SRRT: variants seen among roughly 807,000 people sequenced by gnomAD.
The protein encoded by SRRT is serrate RNA effector molecule homolog.
SRRT carries 32 observed loss-of-function variants against 103.2 expected under a neutral mutation model. The ratio of observed to expected loss-of-function variants is 0.31; its 90% CI spans 0.23 to 0.42. SRRT has a LOEUF of 0.42. SRRT is among the 10% of genes least tolerant of loss of function. SRRT has a pLI of 1.00. For synonymous variants in SRRT, 525 were observed against 449.0 expected (o/e 1.17, Z -2.14); for missense variants, 986 against 1,207.5 (o/e 0.82, Z 2.72).
chr7:100,875,304 G>A lies in SRRT; in HGVS notation c.-43G>A. On this transcript the variant is annotated 5_prime_UTR_variant, in exon 1 of 20. Transcript: ENST00000611405. Reference sequence around the variant, plus strand: ...TGAAATCTAGCCCGTCCGAGCGCGAGTCCAACGGCCGCGGCCGCACCAAGG... The same window carrying A: ...TGAAATCTAGCCCGTCCGAGCGCGAATCCAACGGCCGCGGCCGCACCAAGG... 9.3e-7 allele frequency: 1 copy of A among 1,078,618 alleles called. No homozygotes were observed. Among genetic ancestry groups the A allele is most frequent in the Non-Finnish European group, 1.2e-6 (1 of 843,828 alleles). 66.8% of individuals were successfully genotyped at this position (1,078,618 alleles called of 1,614,324 possible).
rs1448789703 is a variant in SRRT, at chr7:100,885,193, C to T, written c.1160-20C>T. The T allele has an allele frequency of 1.2e-6, 2 of 1,610,050 alleles. No homozygotes were observed. The highest frequency in any genetic ancestry group is 1.7e-6 in the Non-Finnish European group (2 of 1,177,868). The stretch of plus-strand genomic sequence containing the variant: ...GTAATAAAAATGCACCAACTCCTTC[C>T]TACCCCCCTTCCTGCCTAGAAGAAG... On this transcript the variant is annotated intron_variant, in intron 9 of 19. Transcript: ENST00000611405. This position sits in a 1 kb window ranked among gnomAD's most constrained non-coding sequence, Gnocchi z 4.8.
chr7:100,875,753 G>A (rs752622920), intron 2 of SRRT, 41 bp downstream of exon 2: 1 of 1,608,304 alleles, frequency 6.2e-7, no homozygotes, highest in Non-Finnish European at 8.5e-7. Context: ...GTTTCATGCC[G>A]TTTCACTCCA....
In SRRT at chr7:100,887,161, C is replaced by T. The variant is rs1432025934; in HGVS notation, c.1936C>T (p.Arg646Trp). Residue 646 changes from arginine (R) to tryptophan (W), a missense_variant, in exon 15 of 20, where the codon CGG becomes TGG. Coordinates refer to ENST00000611405, the MANE Select transcript of SRRT (RefSeq NM_015908.6). The surrounding 1 kb of genome is among the most constrained non-coding windows in gnomAD (Gnocchi z 4.1). Reference sequence around the variant, plus strand: ...CAATCGCTGTGGGATCATCCACGTTCGGGGGCCCATGCCACCCAACCGCAT... The same window carrying T: ...CAATCGCTGTGGGATCATCCACGTTTGGGGGCCCATGCCACCCAACCGCAT... ...MPNRCGIIHV[R>W]GPMPPNRISH... is the part of the protein sequence containing the mutation. 8.7e-6 allele frequency: 14 copies of T among 1,614,202 alleles called. No individual in the cohort carries two copies. The highest frequency in any genetic ancestry group is 2.2e-5 in the East Asian group (1 of 44,884).
Position 100,884,832 on chromosome 7 carries a change from C to T in SRRT, c.1035C>T (p.Ala345=), listed in dbSNP as rs1195508721. 1.2e-5 allele frequency: 19 copies of T among 1,613,816 alleles called. No homozygotes were observed. The highest frequency in any genetic ancestry group is 1.5e-5 in the Non-Finnish European group (18 of 1,179,908). Residue 345 remains alanine (A), a synonymous_variant, in exon 8 of 20, where the codon GCC becomes GCT. Coordinates refer to ENST00000611405, the MANE Select transcript of SRRT (RefSeq NM_015908.6). The part of the protein sequence containing the change: ...EEKKEDSEKE[A]KKSSKKRNRK... ...AGAAAGAAGACTCCGAGAAGGAAGC[C>T]AAAAAGGTGAGGTGTCTGTGGCCTG...
In SRRT at chr7:100,881,280, G is replaced by A. The variant is rs756066542; in HGVS notation, c.123-5G>A. ...TTAATCTTTGTTACTTGTTCTTACTGCCAGAGAGTGGGACCGTGGCCGTGA... is the reference window on the plus strand; with the variant it reads ...TTAATCTTTGTTACTTGTTCTTACTACCAGAGAGTGGGACCGTGGCCGTGA... On this transcript the variant is annotated splice_polypyrimidine_tract_variant and splice_region_variant and intron_variant, in intron 2 of 19. Coordinates refer to ENST00000611405, the MANE Select transcript of SRRT (RefSeq NM_015908.6). 2.5e-6 allele frequency: 4 copies of A among 1,607,004 alleles called. No individual in the cohort carries two copies. The highest frequency in any genetic ancestry group is 3.4e-6 in the Non-Finnish European group (4 of 1,174,424).
In SRRT at chr7:100,887,878, A is replaced by G; in HGVS notation, c.2326+19A>G. The G allele has an allele frequency of 2.5e-6, 4 of 1,591,718 alleles. No homozygotes were observed. The highest frequency in any genetic ancestry group is 3.4e-6 in the Non-Finnish European group (4 of 1,163,006). On this transcript the variant is annotated intron_variant, in intron 17 of 19. Coordinates refer to ENST00000611405, the MANE Select transcript of SRRT (RefSeq NM_015908.6). The surrounding 1 kb of genome is among the most constrained non-coding windows in gnomAD (Gnocchi z 4.1). ...GCCCAGAGTAAGATACGATCCATGA[A>G]GGTCGCATGTGCCCTCTTCCTTGAC...
At chr7:100,875,523 C>T (rs778164273) in intron 1 of SRRT, 50 bp from the exon 2 acceptor site, 209 of 1,602,394 alleles carry the variant, frequency 1.3e-4, no homozygotes, top group Non-Finnish European at 1.7e-4. Context: ...ACGGTCCCTT[C>T]CTCCGCTCGT....
chr7:100,878,365 C>T (rs1194182085), intron 2 of SRRT, among the ~76,000 whole-genome samples: 3 of 151,692 alleles, frequency 2.0e-5, no homozygotes, highest in East Asian at 3.9e-4. Flanking sequence ...GTGAGCTTGA[C>T]AGCTTCCCAT....
At chr7:100,888,230 G>A (rs772504195) in intron 18 of SRRT, 27 bp from the exon 19 acceptor site, 1 of 1,601,750 alleles carries the variant, frequency 6.2e-7, no homozygotes, top group East Asian at 2.2e-5. Context: ...ACATAGTTTT[G>A]CAACTCAACA....
At position 100,884,218 on chromosome 7, in the gene SRRT, A is replaced by T; in HGVS notation, c.736A>T (p.Ile246Phe). Reference protein sequence around the residue: ...LLLDIDKADAIVKMLDAAVIK... With the variant: ...LLLDIDKADAFVKMLDAAVIK... ...CCTGGACATAGACAAAGCTGATGCC[A>T]TTGTCAAGATGCTGGATGCAGGTGT... Residue 246 changes from isoleucine to phenylalanine, a missense_variant, in exon 6 of 20, where the codon ATT (isoleucine) becomes TTT (phenylalanine). Ile to Phe is a conservative substitution (Grantham distance 21). This residue lies in a region of SRRT where 274 missense variants were observed against 358.5 expected (regional missense o/e 0.76). Coordinates refer to ENST00000611405, the MANE Select transcript of SRRT (RefSeq NM_015908.6). 2 of 1,614,040 alleles carry T rather than the reference A, an allele frequency of 1.2e-6. No homozygotes were observed.
rs772038047 is a variant in SRRT, at chr7:100,886,399, T to C, written c.1611T>C (p.Leu537=). 3.7e-6 allele frequency: 6 copies of C among 1,613,282 alleles called. No individual in the cohort carries two copies. Among genetic ancestry groups the C allele is most frequent in the Non-Finnish European group, 3.4e-6 (4 of 1,179,974 alleles). Residue 537 remains leucine (L), a synonymous_variant, in exon 13 of 20, where the codon CTT becomes CTC. Transcript: ENST00000611405. The part of the protein sequence containing the change: ...LIHTLDDRTQ[L]WASEPGTPPL... Reference sequence around the variant, plus strand: ...ACACGCTGGATGACAGGACACAGCTTTGGGCCTCAGAACCAGGGACGCCTC... The same window carrying C: ...ACACGCTGGATGACAGGACACAGCTCTGGGCCTCAGAACCAGGGACGCCTC...
chr7:100,882,473 C>G lies in SRRT; in HGVS notation c.587+232C>G. On this transcript the variant is annotated intron_variant, in intron 5 of 19. Transcript: ENST00000611405. This position sits in a 1 kb window ranked among gnomAD's most constrained non-coding sequence, Gnocchi z 4.2. ...CTGTCCTCAGAGAGTGGGACACCTC[C>G]AGGCAGCAGGCCAGAGCCACTTGGC... is the stretch of plus-strand genomic sequence containing the variant. 1 of 476,650 alleles carries G rather than the reference C, an allele frequency of 2.1e-6. No individual in the cohort carries two copies. Among genetic ancestry groups the G allele is most frequent in the South Asian group, 2.5e-5 (1 of 39,842 alleles). The allele number at this position is 476,650 out of a possible 1,614,324, so 29.5% of individuals were successfully genotyped here.
In SRRT at chr7:100,885,970, A is replaced by C; in HGVS notation, c.1458+29A>C. ...AGTGCTGGGGGTGGGACTGTGGGGAAGAGGAAGGGAGACTCTGTGCCACAC... is the reference window on the plus strand; with the variant it reads ...AGTGCTGGGGGTGGGACTGTGGGGACGAGGAAGGGAGACTCTGTGCCACAC... On this transcript the variant is annotated intron_variant, in intron 12 of 19. Transcript: ENST00000611405. This position sits in a 1 kb window ranked among gnomAD's most constrained non-coding sequence, Gnocchi z 4.8. The C allele has an allele frequency of 1.2e-6, 2 of 1,609,232 alleles. No homozygotes were observed. Among genetic ancestry groups the C allele is most frequent in the Non-Finnish European group, 1.7e-6 (2 of 1,176,362 alleles).
Position 100,888,506 on chromosome 7 carries a change from A to G in SRRT, c.2588A>G (p.Glu863Gly). ...MVRGDPRAIV[E>G]YRDLDAPDDV... ...CGTGGAGACCCAAGGGCCATTGTGG[A>G]ATATCGGGACCTGGATGCCCCAGAC... Residue 863 changes from glutamate (E) to glycine (G), a missense_variant, in exon 20 of 20, where the codon GAA becomes GGA. By Grantham distance (98) the Glu-to-Gly change is moderately conservative. Transcript: ENST00000611405. 6.2e-7 allele frequency: 1 copy of G among 1,614,130 alleles called. No individual in the cohort carries two copies. Among genetic ancestry groups the G allele is most frequent in the Non-Finnish European group, 8.5e-7 (1 of 1,180,034 alleles).
rs201502804 is a variant in SRRT, at chr7:100,887,726, T to C, written c.2193T>C (p.His731=). ...KFKGPEFVRK[H]IFNKHAEKIE... ...AGGGTCCTGAGTTTGTGCGCAAACATATCTTCAACAAGCATGCAGAGAAAA... is the reference window on the plus strand; with the variant it reads ...AGGGTCCTGAGTTTGTGCGCAAACACATCTTCAACAAGCATGCAGAGAAAA... Residue 731 remains histidine (H), a synonymous_variant, in exon 17 of 20, where the codon CAT becomes CAC. Transcript: ENST00000611405. This position sits in a 1 kb window ranked among gnomAD's most constrained non-coding sequence, Gnocchi z 4.1. 1 of 1,612,082 alleles carries C rather than the reference T, an allele frequency of 6.2e-7. No individual in the cohort carries two copies. The highest frequency in any genetic ancestry group is 8.5e-7 in the Non-Finnish European group (1 of 1,178,232).
intron 7 of SRRT, 73 bp downstream of exon 7, chr7:100,884,625 C>T (rs1195192129): frequency 1.4e-6 from 2 of 1,443,042 alleles, no homozygotes; most frequent in Non-Finnish European, 1.9e-6. Flanking sequence ...TCCATAGGAG[C>T]TAGAAGTAGG....
At chr7:100,879,009 T>C (rs1816029127) in intron 2 of SRRT, among the ~76,000 whole-genome samples, 1 of 151,900 alleles carries the variant, frequency 6.6e-6, no homozygotes, top group African/African-American at 2.4e-5. Context: ...GGCTGGAGTA[T>C]AGTGGCGTGA....
At position 100,885,169 on chromosome 7, in the gene SRRT, T is replaced by TA; in HGVS notation, c.1160-42dup. The TA allele has an allele frequency of 6.2e-7, 1 of 1,605,274 alleles. No homozygotes were observed. Among genetic ancestry groups the TA allele is most frequent in the African/African-American group, 1.3e-5 (1 of 74,434 alleles). ...TCTGTATCCTCCCCACCACAATCAGTAATAAAAATGCACCAACTCCTTCCT... is the reference window on the plus strand; with the variant it reads ...TCTGTATCCTCCCCACCACAATCAGTAAATAAAAATGCACCAACTCCTTCCT... On this transcript the variant is annotated intron_variant, in intron 9 of 19. Transcript: ENST00000611405. This position sits in a 1 kb window ranked among gnomAD's most constrained non-coding sequence, Gnocchi z 4.8.
At position 100,882,445 on chromosome 7, in the gene SRRT, C is replaced by G; in HGVS notation, c.587+204C>G. 5 of 555,680 alleles carry G rather than the reference C, an allele frequency of 9.0e-6. No individual in the cohort carries two copies. The highest frequency in any genetic ancestry group is 2.1e-5 in the South Asian group (1 of 47,270). The allele number at this position is 555,680 out of a possible 1,614,324, so 34.4% of individuals were successfully genotyped here. On this transcript the variant is annotated intron_variant, in intron 5 of 19. Coordinates refer to ENST00000611405, the MANE Select transcript of SRRT (RefSeq NM_015908.6). This position sits in a 1 kb window ranked among gnomAD's most constrained non-coding sequence, Gnocchi z 4.2. ...CCCCCGCCCCGCCCTGTCTCCTGTC[C>G]TGCTGTCCTCAGAGAGTGGGACACC...
Sources: gnomAD v4.1 joint callset for allele counts (sites outside exome capture counted in the v4.1 genomes callset) on GRCh38, gnomAD v4.1.1 for gene constraint, gnomAD v4.1.1 regional missense constraint, Gnocchi (gnomAD v3.1) non-coding constraint, MANE v1.5 for transcripts, NCBI Gene and HGNC (gene_info 2026-07-23, HGNC 2026-07-21) for gene names.